The following FAM174B variants were observed in gnomAD, a reference collection of about 807,000 sequenced individuals.
FAM174B encodes family with sequence similarity 174 member B, also known as membrane protein FAM174B.
Under a neutral mutation model 10.9 loss-of-function variants are expected in FAM174B, and 12 were observed. The ratio of observed to expected loss-of-function variants is 1.10; its 90% CI spans 0.71 to 1.79. FAM174B has a LOEUF of 1.79. FAM174B is among the 40% of genes most tolerant of loss of function. FAM174B has a pLI of 0.00. For missense variants in FAM174B, 266 were observed against 233.3 expected (o/e 1.14, Z -0.91); for synonymous variants, 132 against 115.8 (o/e 1.14, Z -0.90).
At chr15:92,638,586 G>A (rs1567047499) in intron 1 of FAM174B, among the ~76,000 whole-genome samples, 1 of 152,182 alleles carries the variant, frequency 6.6e-6, no homozygotes, top group Non-Finnish European at 1.5e-5. Context: ...TGCAGCGACT[G>A]AGGTTCAGGG....
intron 2 of FAM174B, among the ~76,000 whole-genome samples, chr15:92,626,647 C>T (rs1039132255): frequency 7.2e-5 from 11 of 151,950 alleles, no homozygotes; most frequent in South Asian, 4.2e-4. Flanking sequence ...TGGTCTGGAG[C>T]GGGAAACTTA....
chr15:92,624,953 T>A (rs992250811), intron 2 of FAM174B, among the ~76,000 whole-genome samples: 3 of 151,926 alleles, frequency 2.0e-5, no homozygotes, highest in African/African-American at 7.2e-5. Flanking sequence ...AAACCGGGAA[T>A]GCAAAGAGGC....
At chr15:92,644,480 C>T (rs192172038) in intron 1 of FAM174B, among the ~76,000 whole-genome samples, 18 of 152,316 alleles carry the variant, frequency 1.2e-4, no homozygotes, top group Admixed American at 9.1e-4. Flanking sequence ...AGCAGCCAAG[C>T]TCCAACACCA....
chr15:92,628,644 G>A (rs960730619), intron 2 of FAM174B, among the ~76,000 whole-genome samples: 3 of 151,982 alleles, frequency 2.0e-5, no homozygotes, highest in Admixed American at 1.3e-4. Flanking sequence ...CAACTAATGG[G>A]ATTTTTCTCC....
At chr15:92,644,325 G>C (rs760629350) in intron 1 of FAM174B, among the ~76,000 whole-genome samples, 1 of 152,034 alleles carries the variant, frequency 6.6e-6, no homozygotes, top group African/African-American at 2.4e-5. Flanking sequence ...CTTCCACCTA[G>C]AGCATTTTCG....
intron 1 of FAM174B, among the ~76,000 whole-genome samples, chr15:92,649,733 C>G (rs73460406): frequency 6.6e-6 from 1 of 152,178 alleles, no homozygotes; most frequent in African/African-American, 2.4e-5. Context: ...TTGGGGCTCC[C>G]CATCCTGACA....
At chr15:92,653,217 A>C (rs1433461342) in intron 1 of FAM174B, 1 of 152,242 alleles carries the variant, frequency 6.6e-6, no homozygotes. Context: ...ACTTCTTTCA[A>C]CACTCCACAC....
In FAM174B at chr15:92,655,300, G is replaced by A. The variant is rs2050994693; in HGVS notation, c.344+16C>T. 2 of 1,540,948 alleles carry A rather than the reference G, an allele frequency of 1.3e-6. No individual in the cohort carries two copies. Among genetic ancestry groups the A allele is most frequent in the African/African-American group, 1.4e-5 (1 of 70,670 alleles). ...CTGTCGGCCGGCGGGGGAAGGAAGA[G>A]GGCGGGAGGGCCCACCTGAAGACGC... On this transcript the variant is annotated intron_variant, in intron 1 of 2. Coordinates refer to ENST00000327355, the MANE Select transcript of FAM174B (RefSeq NM_207446.3).
intron 2 of FAM174B, among the ~76,000 whole-genome samples, chr15:92,622,402 AC>A (rs2050725828): frequency 6.6e-6 from 1 of 152,118 alleles, no homozygotes; most frequent in South Asian, 2.1e-4. Flanking sequence ...GTAGAGCCAT[AC>A]CCCAAGTTTC....
At chr15:92,639,499 G>A (rs1023084687) in intron 1 of FAM174B, among the ~76,000 whole-genome samples, 1 of 152,194 alleles carries the variant, frequency 6.6e-6, no homozygotes, top group African/African-American at 2.4e-5. Flanking sequence ...ATTCTATAAA[G>A]GAGTTAGATT....
intron 1 of FAM174B, chr15:92,653,047 C>A (rs2050977670): frequency 6.6e-6 from 1 of 152,242 alleles, no homozygotes; most frequent in South Asian, 2.1e-4. Context: ...GGGGACTGTG[C>A]ACCATCAGGG....
chr15:92,639,000 G>A (rs952639359), intron 1 of FAM174B, among the ~76,000 whole-genome samples: 4 of 152,178 alleles, frequency 2.6e-5, no homozygotes, highest in East Asian at 1.9e-4. Context: ...ACAGCCTCCC[G>A]CCAGTGAGGC....
intron 1 of FAM174B, among the ~76,000 whole-genome samples, chr15:92,636,663 A>T (rs1299896120): frequency 1.3e-5 from 2 of 152,142 alleles, no homozygotes; most frequent in Non-Finnish European, 2.9e-5. Context: ...GACTGGAAGC[A>T]ACTCGGGAAA....
At chr15:92,622,135 G>T (rs539009304) in intron 2 of FAM174B, among the ~76,000 whole-genome samples, 7 of 152,312 alleles carry the variant, frequency 4.6e-5, no homozygotes, top group Admixed American at 4.6e-4. Context: ...ATTCACCTCC[G>T]TAAGTGTCTG....
chr15:92,638,890 C>T (rs960103398), intron 1 of FAM174B, among the ~76,000 whole-genome samples: 1 of 152,224 alleles, frequency 6.6e-6, no homozygotes, highest in African/African-American at 2.4e-5. Flanking sequence ...TCCAGGCACA[C>T]AGGCCCCTCC....
intron 2 of FAM174B, among the ~76,000 whole-genome samples, chr15:92,628,471 T>C (rs948684717): frequency 1.3e-5 from 2 of 149,532 alleles, no homozygotes; most frequent in East Asian, 2.0e-4. Context: ...TGAGCCACCA[T>C]GCCCGAGCCC....
At chr15:92,621,697 C>G (rs1339813765) in intron 2 of FAM174B, among the ~76,000 whole-genome samples, 7 of 152,076 alleles carry the variant, frequency 4.6e-5, no homozygotes, top group Non-Finnish European at 4.4e-5. Context: ...AAATCTCCAG[C>G]AAGCCATGTC....
intron 1 of FAM174B, among the ~76,000 whole-genome samples, chr15:92,646,399 C>G (rs1420220294): frequency 6.6e-6 from 1 of 152,186 alleles, no homozygotes; most frequent in Non-Finnish European, 1.5e-5. Flanking sequence ...GAGCAAGACA[C>G]TTCAACAACT....
At chr15:92,647,956 C>A (rs1038780835) in intron 1 of FAM174B, among the ~76,000 whole-genome samples, 2 of 152,172 alleles carry the variant, frequency 1.3e-5, no homozygotes, top group Non-Finnish European at 2.9e-5. Flanking sequence ...GTCTCCACAA[C>A]CCCCCTTATC....
Sources: gnomAD v4.1 joint callset for allele counts (sites outside exome capture counted in the v4.1 genomes callset) on GRCh38, gnomAD v4.1.1 for gene constraint, MANE v1.5 for transcripts, NCBI Gene and HGNC (gene_info 2026-07-23, HGNC 2026-07-21) for gene names.